Variants in SLC30A8 observed in about 807,000 individuals in gnomAD.
SLC30A8 encodes solute carrier family 30 member 8, also known as proton-coupled zinc antiporter SLC30A8.
SLC30A8 carries 27 observed loss-of-function variants against 36.9 expected under a neutral mutation model. The ratio of observed to expected loss-of-function variants is 0.73; its 90% CI spans 0.54 to 1.01. The LOEUF (loss-of-function observed/expected upper bound fraction) is 1.01. SLC30A8 is among the 50% of genes least tolerant of loss of function. SLC30A8 has a pLI of 0.00. For missense variants in SLC30A8, 439 were observed against 452.0 expected (o/e 0.97, Z 0.26); for synonymous variants, 164 against 172.4 (o/e 0.95, Z 0.38).
chr8:117,148,821 C>T (rs1342642815), intron 2 of SLC30A8, among the ~76,000 whole-genome samples: 2 of 151,996 alleles, frequency 1.3e-5, no homozygotes, highest in East Asian at 3.9e-4. Context: ...TGCAGTCCAC[C>T]GTTTTTCATG....
chr8:117,159,271 C>T (rs1822657766), intron 4 of SLC30A8, among the ~76,000 whole-genome samples: 1 of 152,206 alleles, frequency 6.6e-6, no homozygotes, highest in Admixed American at 6.5e-5. Flanking sequence ...ATCTGCCTAT[C>T]TATCTTGCAA....
chr8:117,054,237 G>A (rs576306374), intron 2 of SLC30A8, among the ~76,000 whole-genome samples: 23 of 151,870 alleles, frequency 1.5e-4, no homozygotes, highest in African/African-American at 4.6e-4. Context: ...TAGCTGGGAC[G>A]ACAGGCGTGT....
intron 1 of SLC30A8, among the ~76,000 whole-genome samples, chr8:117,022,865 A>G (rs1256645839): frequency 6.6e-6 from 1 of 152,244 alleles, no homozygotes; most frequent in Non-Finnish European, 1.5e-5. Flanking sequence ...ACAAAAGCCA[A>G]AATTGACAAA....
intron 6 of SLC30A8, among the ~76,000 whole-genome samples, chr8:117,170,685 A>C (rs2466300): frequency 0.7 from 106,385 of 151,980 alleles, 39,862 homozygotes; most frequent in Non-Finnish European, 0.82. Context: ...ATGCTAACCC[A>C]TGATTATTTG....
intron 1 of SLC30A8, among the ~76,000 whole-genome samples, chr8:117,002,170 T>C (rs1816031746): frequency 6.6e-6 from 1 of 152,224 alleles, no homozygotes; most frequent in Admixed American, 6.5e-5. Context: ...TTTACTGGAT[T>C]GGTATCTAAG....
At chr8:117,065,761 AAG>A (rs944521837) in intron 2 of SLC30A8, among the ~76,000 whole-genome samples, 4 of 152,218 alleles carry the variant, frequency 2.6e-5, no homozygotes, top group African/African-American at 7.2e-5. Flanking sequence ...CAGGAGGAAA[AAG>A]AGAGAGCTCA....
rs1352546673 is a variant in SLC30A8 at position 117,157,725 on chromosome 8, C to G, written c.453C>G (p.Ile151Met). The G allele has an allele frequency of 2.5e-6, 4 of 1,614,108 alleles. No individual in the cohort carries two copies. Among genetic ancestry groups the G allele is most frequent in the Non-Finnish European group, 3.4e-6 (4 of 1,180,010 alleles). ...ILGALLSILC[I>M]WVVTGVLVYL... ...GTGCCCTGCTCTCCATCCTGTGCAT[C>G]TGGGTGGTGACTGGCGTGCTAGTGT... Residue 151 changes from isoleucine to methionine, a missense_variant, in exon 4 of 8, where the codon ATC becomes ATG. Physicochemically the swap from Ile to Met is conservative, Grantham distance 10. Coordinates refer to ENST00000456015, the MANE Select transcript of SLC30A8 (RefSeq NM_173851.3).
chr8:117,021,088 A>G (rs10505292), intron 1 of SLC30A8, among the ~76,000 whole-genome samples: 39,490 of 152,042 alleles, frequency 0.26, 5,221 homozygotes, highest in East Asian at 0.34. Flanking sequence ...CCAAGGGCTA[A>G]TAATGATTGT....
intron 1 of SLC30A8, among the ~76,000 whole-genome samples, chr8:117,002,805 G>A (rs1286044103): frequency 6.6e-6 from 1 of 152,046 alleles, no homozygotes; most frequent in African/African-American, 2.4e-5. Context: ...GGGTTTCACC[G>A]TGTTGGCCAG....
Position 117,173,097 on chromosome 8 carries a change from A to G in SLC30A8, c.*416A>G, listed in dbSNP as rs1823476129. The G allele has an allele frequency of 6.0e-6, 1 of 167,858 alleles. No individual in the cohort carries two copies. The highest frequency in any genetic ancestry group is 1.3e-5 in the Non-Finnish European group (1 of 78,268). 10.4% of individuals were successfully genotyped at this position (167,858 alleles called of 1,614,324 possible). A position where few individuals can be genotyped will look rare whatever the true frequency, so the allele number is the denominator to read the frequency against. On this transcript the variant is annotated 3_prime_UTR_variant, in exon 8 of 8. Coordinates refer to ENST00000456015, the MANE Select transcript of SLC30A8 (RefSeq NM_173851.3). ...AAATTTTACCAAAACATTAGAAACA[A>G]AAAATAAGGAGAGCCAAGTCAGGAA...
At chr8:117,027,717 A>C (rs996124565) in intron 1 of SLC30A8, among the ~76,000 whole-genome samples, 3 of 152,162 alleles carry the variant, frequency 2.0e-5, no homozygotes, top group Admixed American at 2.0e-4. Flanking sequence ...CTAGTTTAAG[A>C]ACAAGATAAT....
At chr8:117,163,575 TC>T (rs770674351) in intron 6 of SLC30A8, 45 bp downstream of exon 6, 1 of 1,407,424 alleles carries the variant, frequency 7.1e-7, no homozygotes, top group Non-Finnish European at 9.9e-7. Context: ...TGTTTTCTCT[TC>T]CCTAGAATCA....
At chr8:117,114,471 A>C (rs1820358433) in intron 2 of SLC30A8, among the ~76,000 whole-genome samples, 1 of 152,278 alleles carries the variant, frequency 6.6e-6, no homozygotes, top group East Asian at 1.9e-4. Context: ...GTTTTCTTAC[A>C]GAACACTTAA....
At chr8:116,992,862 A>G (rs1466245298) in intron 1 of SLC30A8, among the ~76,000 whole-genome samples, 1 of 152,200 alleles carries the variant, frequency 6.6e-6, no homozygotes, top group African/African-American at 2.4e-5. Context: ...AGAGAAATAG[A>G]GCATAAGAAG....
At chr8:116,958,529 G>A (rs1814299029) in intron 1 of SLC30A8, among the ~76,000 whole-genome samples, 1 of 151,998 alleles carries the variant, frequency 6.6e-6, no homozygotes. Flanking sequence ...CATTTCCAGT[G>A]AGAATTCTAC....
chr8:117,081,915 C>A (rs1818688804), intron 2 of SLC30A8, among the ~76,000 whole-genome samples: 1 of 152,194 alleles, frequency 6.6e-6, no homozygotes, highest in Non-Finnish European at 1.5e-5. Context: ...CTCCTGCTCT[C>A]TCTCTTCCTC....
upstream of SLC30A8, chr8:116,950,481 G>A (rs1482390586): frequency 6.6e-6 from 1 of 152,244 alleles, no homozygotes; most frequent in East Asian, 1.9e-4. Flanking sequence ...GATTCTGTCA[G>A]AGAAGCCATT....
At chr8:117,041,938 C>T (rs1817400919) in intron 2 of SLC30A8, among the ~76,000 whole-genome samples, 1 of 152,134 alleles carries the variant, frequency 6.6e-6, no homozygotes, top group Non-Finnish European at 1.5e-5. Flanking sequence ...AACAGATTTC[C>T]CAATGAATAG....
chr8:117,004,732 G>C (rs1480258747), intron 1 of SLC30A8, among the ~76,000 whole-genome samples: 1 of 152,160 alleles, frequency 6.6e-6, no homozygotes, highest in Admixed American at 6.5e-5. Context: ...GTGAGGGTAT[G>C]AATGTCTGCA....
Sources: allele counts gnomAD v4.1 joint callset (sites outside exome capture counted in the v4.1 genomes callset), GRCh38; gene constraint gnomAD v4.1.1; transcripts MANE v1.5; gene names NCBI Gene and HGNC (gene_info 2026-07-23, HGNC 2026-07-21).